Variants in SGCD observed in about 807,000 individuals in gnomAD.
SGCD encodes the protein sarcoglycan delta, also known as delta-sarcoglycan.
Under a neutral mutation model 36.6 loss-of-function variants are expected in SGCD, and 18 were observed. That is an observed-to-expected ratio of 0.49 (90% confidence interval 0.34 to 0.73). The LOEUF (loss-of-function observed/expected upper bound fraction) is 0.73, where lower values mean the gene tolerates loss of function less well. Among genes scored for constraint, SGCD ranks in the 30% least tolerant of loss-of-function variants. The pLI, the probability that SGCD is intolerant of heterozygous loss-of-function variation, is 0.01. For missense variants in SGCD, 387 were observed against 346.7 expected (o/e 1.12, Z -0.92); for synonymous variants, 133 against 130.6 (o/e 1.02, Z -0.12).
chr5:156,636,787 A>C (rs113831433), intron 6 of SGCD, among the ~76,000 whole-genome samples: 3,792 of 152,288 alleles, frequency 0.025, 171 homozygotes, highest in African/African-American at 0.086. Context: ...TGATTTTTAA[A>C]TTTTGGTCAA....
chr5:156,089,222 C>T (rs1472421545), intron 1 of SGCD, among the ~76,000 whole-genome samples: 1 of 152,160 alleles, frequency 6.6e-6, no homozygotes, highest in Non-Finnish European at 1.5e-5. Context: ...TAAAGAGGCT[C>T]AATACAAGCC....
At chr5:156,728,313 G>A (rs1031166374) in intron 7 of SGCD, among the ~76,000 whole-genome samples, 8 of 151,880 alleles carry the variant, frequency 5.3e-5, no homozygotes, top group African/African-American at 1.9e-4. Context: ...GCATGAGGTA[G>A]AGCAACCTGG....
intron 1 of SGCD, among the ~76,000 whole-genome samples, chr5:156,008,541 A>G (rs1341558049): frequency 6.6e-6 from 1 of 152,014 alleles, no homozygotes; most frequent in East Asian, 1.9e-4. Context: ...ATGCCTGGCT[A>G]ATTTTTTAAT....
intron 1 of SGCD, among the ~76,000 whole-genome samples, chr5:156,096,274 A>T (rs150045064): frequency 1.3e-5 from 2 of 152,304 alleles, no homozygotes; most frequent in East Asian, 3.9e-4. Context: ...GCCACCAAAC[A>T]TTGTAGCCAA....
chr5:155,876,056 T>C (rs562612331), intron 1 of SGCD, among the ~76,000 whole-genome samples: 9 of 151,638 alleles, frequency 5.9e-5, no homozygotes. Context: ...TTATTTATTT[T>C]TTTTTATTAT....
At chr5:156,609,794 T>C (rs1435368855) in intron 6 of SGCD, among the ~76,000 whole-genome samples, 1 of 152,242 alleles carries the variant, frequency 6.6e-6, no homozygotes, top group Non-Finnish European at 1.5e-5. Flanking sequence ...TTTCATTCAT[T>C]TGATCTTCCA....
intron 3 of SGCD, among the ~76,000 whole-genome samples, chr5:156,265,589 C>A (rs1190078706): frequency 1.3e-5 from 2 of 151,028 alleles, no homozygotes; most frequent in African/African-American, 4.9e-5. Flanking sequence ...AATATCTTTT[C>A]CCTCTCTTTC....
chr5:155,814,533 C>T, the SGCD span, among the ~76,000 whole-genome samples: 1 of 152,164 alleles, frequency 6.6e-6, no homozygotes. Flanking sequence ...CAGAGGCATT[C>T]ACTGTGGTAA....
intron 3 of SGCD, among the ~76,000 whole-genome samples, chr5:156,314,766 GAGA>G: frequency 6.6e-6 from 1 of 152,170 alleles, no homozygotes; most frequent in East Asian, 1.9e-4. Context: ...AGAGAGGGAA[GAGA>G]AGTCTTGTGG....
At chr5:156,290,674 C>T (rs1342782947) in intron 3 of SGCD, among the ~76,000 whole-genome samples, 1 of 152,136 alleles carries the variant, frequency 6.6e-6, no homozygotes, top group Non-Finnish European at 1.5e-5. Flanking sequence ...CATAAAGCAG[C>T]ATCTAATTTT....
At chr5:155,824,850 T>C in the SGCD span, among the ~76,000 whole-genome samples, 1 of 152,192 alleles carries the variant, frequency 6.6e-6, no homozygotes, top group East Asian at 1.9e-4. Flanking sequence ...AGCAACTGCC[T>C]AATTTCATGG....
Position 156,250,994 on chromosome 5 carries a change from T to C in SGCD, c.-43-78540T>C, listed in dbSNP as rs182327340. Among the ~76,000 whole-genome samples, 25 of 152,360 alleles carry C rather than the reference T, an allele frequency of 1.6e-4. No homozygotes were observed. In the East Asian group the frequency reaches 4.4e-3, roughly 27 times the overall value. ...ATTTATTTTGCTTTAGTTTATTGAA[T>C]TTAACTTAATTTTATGATGTGCCAA... On this transcript the variant is annotated intron_variant, in intron 3 of 9. Coordinates refer to the SGCD transcript ENST00000517913.
chr5:156,004,070 A>T (rs1233157674), intron 1 of SGCD, among the ~76,000 whole-genome samples: 1 of 152,232 alleles, frequency 6.6e-6, no homozygotes, highest in East Asian at 1.9e-4. Flanking sequence ...AGATTAAGAA[A>T]GAAGAAAATT....
intron 3 of SGCD, among the ~76,000 whole-genome samples, chr5:156,297,606 T>G (rs192170911): frequency 0.14 from 16,929 of 122,036 alleles, 2,452 homozygotes; most frequent in African/African-American, 0.39. Context: ...CATGGACACA[T>G]GAAGGGGAAT....
intron 3 of SGCD, among the ~76,000 whole-genome samples, chr5:156,300,123 T>C (rs1767014440): frequency 6.6e-6 from 1 of 152,168 alleles, no homozygotes; most frequent in South Asian, 2.1e-4. Context: ...CCAGGTTTTT[T>C]AGAATTTTTA....
intron 1 of SGCD, among the ~76,000 whole-genome samples, chr5:155,981,049 C>G (rs1170515253): frequency 1.3e-5 from 2 of 152,152 alleles, no homozygotes; most frequent in African/African-American, 4.8e-5. Context: ...GGTGTGGAAG[C>G]AGGAGGAGGT....
intron 2 of SGCD, among the ~76,000 whole-genome samples, chr5:156,121,154 A>G (rs907763115): frequency 2.0e-5 from 3 of 152,132 alleles, no homozygotes; most frequent in Non-Finnish European, 2.9e-5. Flanking sequence ...TAAAAGATGG[A>G]AAGATTCAGA....
chr5:156,732,336 C>A (rs979054816), intron 7 of SGCD, among the ~76,000 whole-genome samples: 2 of 152,004 alleles, frequency 1.3e-5, no homozygotes, highest in African/African-American at 4.8e-5. Flanking sequence ...TATCAAAAGC[C>A]TTTTCTGCAT....
chr5:156,516,227 C>CCA (rs757491351), intron 4 of SGCD, among the ~76,000 whole-genome samples: 1 of 152,062 alleles, frequency 6.6e-6, no homozygotes, highest in Non-Finnish European at 1.5e-5. Flanking sequence ...TGAGACCCCC[C>CCA]ACACACACAC....
Sources: allele counts gnomAD v4.1 joint callset (sites outside exome capture counted in the v4.1 genomes callset), GRCh38; gene constraint gnomAD v4.1.1; transcripts MANE v1.5; gene names NCBI Gene and HGNC (gene_info 2026-07-23, HGNC 2026-07-21).